Variants in KCNIP4 observed in about 807,000 individuals in gnomAD.
The protein encoded by KCNIP4 is Kv channel-interacting protein 4.
In KCNIP4, 12 loss-of-function variants were observed where a neutral mutation model predicts 34.0. The ratio of observed to expected loss-of-function variants is 0.35; its 90% CI spans 0.23 to 0.57. The LOEUF is 0.57. KCNIP4 is among the 20% of genes least tolerant of loss of function. KCNIP4 has a pLI of 0.83. For missense variants in KCNIP4, 238 were observed against 311.7 expected (o/e 0.76, Z 1.78); for synonymous variants, 124 against 102.2 (o/e 1.21, Z -1.29).
At chr4:20,941,564 G>C (rs372936207) in intron 1 of KCNIP4, among the ~76,000 whole-genome samples, 1 of 148,686 alleles carries the variant, frequency 6.7e-6, no homozygotes, top group South Asian at 2.1e-4. Context: ...TTTAAACAAG[G>C]TTAATTTTTC....
chr4:21,450,571 AAGAGAAGGGAGAGGAGGAGGAAGAGG>A (rs1170537855), intron 1 of KCNIP4, among the ~76,000 whole-genome samples: 1 of 152,140 alleles, frequency 6.6e-6, no homozygotes, highest in Non-Finnish European at 1.5e-5. Flanking sequence ...GGGTGGGGGC[AAGAGAAGGGAGAGGAGGAGGAAGAGG>A]AAGAAAGCAA....
rs144541118 is a variant in KCNIP4 at position 21,016,572 on chromosome 4, G to A, written c.62-133863C>T. ...GGCCTCCCAAAGTGCTGGGATTACA[G>A]GCGTGAGACACCTCACCCAGCCAAG... is the stretch of plus-strand genomic sequence containing the variant. On this transcript the variant is annotated intron_variant, in intron 1 of 8. Coordinates refer to ENST00000382152, the MANE Select transcript of KCNIP4 (RefSeq NM_025221.6). Among the ~76,000 whole-genome samples, 469 of 152,188 alleles carry A rather than the reference G, an allele frequency of 3.1e-3. 4 individuals carry two copies. The highest frequency in any genetic ancestry group is 0.01 in the African/African-American group (426 of 41,522).
chr4:20,749,568 C>T (rs1753203953), intron 5 of KCNIP4, 94 bp downstream of exon 5: 1 of 839,952 alleles, frequency 1.2e-6, no homozygotes, highest in South Asian at 1.9e-5. Flanking sequence ...TTTCTTTCCC[C>T]TGAGCAAAAA....
intron 1 of KCNIP4, among the ~76,000 whole-genome samples, chr4:21,107,834 T>G (rs1010429128): frequency 9.9e-5 from 15 of 151,328 alleles, no homozygotes; most frequent in Admixed American, 5.9e-4. Context: ...GTCTGTAAAG[T>G]ATTTTATTTC....
chr4:21,405,864 TTGCTCTCGTTGCCCA>T (rs1212459569), intron 1 of KCNIP4, among the ~76,000 whole-genome samples: 5 of 152,214 alleles, frequency 3.3e-5, no homozygotes, highest in African/African-American at 1.2e-4. Context: ...AGACAGAGTT[TTGCTCTCGTTGCCCA>T]TGCTAGAGCG....
chr4:21,581,380 C>T (rs1741186129), intron 1 of KCNIP4, among the ~76,000 whole-genome samples: 1 of 151,924 alleles, frequency 6.6e-6, no homozygotes, highest in African/African-American at 2.4e-5. Flanking sequence ...GTTATGGATC[C>T]ATACAAAACG....
chr4:21,915,679 T>G (rs1169781317), intron 1 of KCNIP4, among the ~76,000 whole-genome samples: 2 of 152,238 alleles, frequency 1.3e-5, no homozygotes, highest in East Asian at 3.8e-4. Context: ...ATTTACCTAT[T>G]ACATAGTATG....
At chr4:21,195,137 G>A (rs1176184811) in intron 1 of KCNIP4, among the ~76,000 whole-genome samples, 2 of 152,052 alleles carry the variant, frequency 1.3e-5, no homozygotes, top group Non-Finnish European at 2.9e-5. Context: ...CTTCATTGCC[G>A]CAAATGTTCT....
chr4:21,200,365 TAC>T (rs1756394139), intron 1 of KCNIP4, among the ~76,000 whole-genome samples: 1 of 95,166 alleles, frequency 1.1e-5, no homozygotes, highest in African/African-American at 1.0e-4. Context: ...TATATATATA[TAC>T]ATACATATAT....
Position 20,843,602 on chromosome 4 carries a change from C to T in KCNIP4, c.288+6941G>A, listed in dbSNP as rs187898000. The stretch of plus-strand genomic sequence containing the variant: ...AAAATTAGCTGGGTGTGGTAGTGCA[C>T]GCCTGTAATCCCAGCTACTCAGGAG... On this transcript the variant is annotated intron_variant, in intron 3 of 8. Coordinates refer to ENST00000382152, the MANE Select transcript of KCNIP4 (RefSeq NM_025221.6). Among the ~76,000 whole-genome samples, 404 of 152,170 alleles carry T rather than the reference C, an allele frequency of 2.7e-3. 2 individuals are homozygous for T. The highest frequency in any genetic ancestry group is 4.9e-3 in the Non-Finnish European group (331 of 67,994).
intron 2 of KCNIP4, among the ~76,000 whole-genome samples, chr4:20,881,699 T>C (rs1024859217): frequency 5.9e-5 from 9 of 152,250 alleles, no homozygotes; most frequent in Admixed American, 4.6e-4. Context: ...TAACCTCACT[T>C]GTCAAGTTCG....
intron 1 of KCNIP4, among the ~76,000 whole-genome samples, chr4:20,936,222 T>C (rs1466345861): frequency 6.6e-6 from 1 of 152,180 alleles, no homozygotes; most frequent in Non-Finnish European, 1.5e-5. Context: ...AAAGGGGCTG[T>C]CTGTCATAAA....
chr4:20,884,982 T>A (rs1310494384), intron 1 of KCNIP4, among the ~76,000 whole-genome samples: 1 of 152,128 alleles, frequency 6.6e-6, no homozygotes, highest in Non-Finnish European at 1.5e-5. Flanking sequence ...ATTACAGACG[T>A]GAGCTACTGC....
At chr4:21,312,925 C>T (rs1025880182) in intron 1 of KCNIP4, among the ~76,000 whole-genome samples, 18 of 152,136 alleles carry the variant, frequency 1.2e-4, no homozygotes, top group African/African-American at 4.3e-4. Flanking sequence ...AATAGCCAAG[C>T]TAAGTGAAGT....
intron 1 of KCNIP4, among the ~76,000 whole-genome samples, chr4:21,103,209 T>A (rs1028555608): frequency 6.6e-6 from 1 of 151,024 alleles, no homozygotes; most frequent in African/African-American, 2.4e-5. Context: ...AACTGTAAGG[T>A]TTCTCTGAGA....
chr4:20,824,497 T>C (rs886945412), intron 3 of KCNIP4, among the ~76,000 whole-genome samples: 23 of 152,064 alleles, frequency 1.5e-4, no homozygotes, highest in Non-Finnish European at 2.8e-4. Flanking sequence ...CTGGCCAACA[T>C]GGTGAAACCC....
chr4:21,546,020 C>T (rs1738122899), intron 1 of KCNIP4, among the ~76,000 whole-genome samples: 1 of 152,086 alleles, frequency 6.6e-6, no homozygotes, highest in African/African-American at 2.4e-5. Flanking sequence ...TCACTTTACT[C>T]TATGGACTTG....
In KCNIP4 at chr4:21,265,120, T is replaced by C. The variant is rs74436887; in HGVS notation, c.62-382411A>G. Among the ~76,000 whole-genome samples, 533 of 149,072 alleles carry C rather than the reference T, an allele frequency of 3.6e-3. 2 individuals carry two copies. Among genetic ancestry groups the C allele is most frequent in the South Asian group, 0.025 (120 of 4,724 alleles). On this transcript the variant is annotated intron_variant, in intron 1 of 8. Coordinates refer to ENST00000382152, the MANE Select transcript of KCNIP4 (RefSeq NM_025221.6). ...CCTCAAATAATAATAATAATAATAA[T>C]AACAACAATAATAATAACGTGAGTC...
At chr4:21,426,401 T>C (rs552115867) in intron 1 of KCNIP4, among the ~76,000 whole-genome samples, 1 of 152,208 alleles carries the variant, frequency 6.6e-6, no homozygotes, top group Admixed American at 6.5e-5. Flanking sequence ...ATAACAATAT[T>C]ATGACATGTA....
Sources: allele counts gnomAD v4.1 joint callset (sites outside exome capture counted in the v4.1 genomes callset), GRCh38; gene constraint gnomAD v4.1.1; transcripts MANE v1.5; gene names NCBI Gene and HGNC (gene_info 2026-07-23, HGNC 2026-07-21).